Variants in ZNF7 observed in about 807,000 individuals in gnomAD.
ZNF7 encodes zinc finger protein 7.
ZNF7 carries 10 observed loss-of-function variants against 12.0 expected under a neutral mutation model. The observed-to-expected ratio is 0.83, with a 90% CI of 0.51 to 1.42. The LOEUF (loss-of-function observed/expected upper bound fraction) is 1.42. ZNF7 is among the 40% of genes most tolerant of loss of function. The pLI, the probability that ZNF7 is intolerant of heterozygous loss-of-function variation, is 0.00. For missense variants in ZNF7, 854 were observed against 837.2 expected (o/e 1.02, Z -0.25); for synonymous variants, 334 against 295.0 (o/e 1.13, Z -1.35).
In ZNF7 at chr8:144,829,617, C is replaced by A; in HGVS notation, c.130+13C>A. 6.3e-7 allele frequency: 1 copy of A among 1,594,702 alleles called. No homozygotes were observed. Among genetic ancestry groups the A allele is most frequent in the Non-Finnish European group, 8.6e-7 (1 of 1,166,786 alleles). ...GTGGCTGGACTAGGTGAGGCTGCAC[C>A]TTGGGGCCCCTTCCCCTGCATCATC... On this transcript the variant is annotated intron_variant, in intron 3 of 4. Coordinates refer to ENST00000532777, the MANE Select transcript of ZNF7 (RefSeq NM_003416.4).
At chr8:144,828,844 A>T in intron 1 of ZNF7, 199 bp from the exon 2 acceptor site, 1 of 653,100 alleles carries the variant, frequency 1.5e-6, no homozygotes, top group Non-Finnish European at 2.6e-6. Context: ...TGCCACACAC[A>T]CATACACTCT....
chr8:144,846,619 G>A (rs1830523526), downstream of ZNF7: 1 of 164,234 alleles, frequency 6.1e-6, no homozygotes, highest in African/African-American at 2.4e-5. Context: ...CTGAGAATAA[G>A]GCAGCTGGGT....
intron 4 of ZNF7, among the ~76,000 whole-genome samples, chr8:144,840,615 G>A (rs1829765776): frequency 6.6e-6 from 1 of 152,208 alleles, no homozygotes; most frequent in African/African-American, 2.4e-5. Flanking sequence ...TAGGACAGAA[G>A]CCTGTGCTTA....
chr8:144,844,733 A>AAAAAC (rs1563850697), downstream of ZNF7, among the ~76,000 whole-genome samples: 9 of 132,428 alleles, frequency 6.8e-5, no homozygotes, highest in African/African-American at 2.1e-4. Flanking sequence ...AAAAAAAAAA[A>AAAAAC]AAACGAAAAT....
At position 144,841,879 on chromosome 8, in the gene ZNF7, G is replaced by C; in HGVS notation, c.772G>C (p.Val258Leu). Residue 258 changes from valine to leucine, a missense_variant, in exon 5 of 5, where the codon GTC (valine) becomes CTC (leucine). Physicochemically the swap from Val to Leu is conservative, Grantham distance 32. Transcript: ENST00000532777. ...KPYECAECGKVFRLCSQLNQH... is the reference protein window; with the variant it reads ...KPYECAECGKLFRLCSQLNQH... ...GTACGAATGTGCAGAGTGTGGGAAAGTCTTCAGGCTCTGCTCGCAGCTTAA... is the reference window on the plus strand; with the variant it reads ...GTACGAATGTGCAGAGTGTGGGAAACTCTTCAGGCTCTGCTCGCAGCTTAA... 1.2e-6 allele frequency: 2 copies of C among 1,614,176 alleles called. No individual in the cohort carries two copies. Among genetic ancestry groups the C allele is most frequent in the Non-Finnish European group, 1.7e-6 (2 of 1,180,004 alleles).
chr8:144,830,201 G>A (rs1247853639), intron 3 of ZNF7, among the ~76,000 whole-genome samples: 37 of 152,208 alleles, frequency 2.4e-4, no homozygotes, highest in Admixed American at 2.3e-3. Context: ...TCACACGCCC[G>A]AGAGAGTGCC....
intron 3 of ZNF7, chr8:144,836,485 G>A (rs953622750): frequency 6.6e-6 from 1 of 152,246 alleles, no homozygotes; most frequent in African/African-American, 2.4e-5. Context: ...TTCACACTGA[G>A]TTGCATTTGC....
chr8:144,844,812 G>T, downstream of ZNF7, among the ~76,000 whole-genome samples: 1 of 151,838 alleles, frequency 6.6e-6, no homozygotes, highest in Admixed American at 6.6e-5. Flanking sequence ...ATGAGAGGGA[G>T]TGGGGAAAGA....
rs564102152 is a variant in ZNF7 at position 144,842,565 on chromosome 8, G to C, written c.1458G>C (p.Gln486His). Residue 486 changes from glutamine (Q) to histidine (H), a missense_variant, in exon 5 of 5, where the codon CAG becomes CAC. Physicochemically the swap from Gln to His is conservative, Grantham distance 24. Transcript: ENST00000532777. ...TTGTTCAGGGCTCACACCTTATTCA[G>C]CATCAGCGAATCCACACTGGAGAGA... ...KGFVQGSHLI[Q>H]HQRIHTGEKP... is the part of the protein sequence containing the mutation. 3 of 1,614,122 alleles carry C rather than the reference G, an allele frequency of 1.9e-6. No homozygotes were observed. Among genetic ancestry groups the C allele is most frequent in the Non-Finnish European group, 2.5e-6 (3 of 1,180,012 alleles).
intron 4 of ZNF7, chr8:144,838,053 C>T (rs774206131): frequency 3.3e-5 from 23 of 693,642 alleles, no homozygotes; most frequent in South Asian, 1.8e-4. Context: ...CAAGCAGGGC[C>T]GTGCCCCCCT....
chr8:144,827,717 G>T, intron 1 of ZNF7, 108 bp downstream of exon 1: 1 of 979,228 alleles, frequency 1.0e-6, no homozygotes, highest in Non-Finnish European at 1.2e-6. Flanking sequence ...CGTCCCCCGG[G>T]CCTCCAGGCG....
intron 3 of ZNF7, chr8:144,830,916 A>G (rs541083518): frequency 1.1e-5 from 5 of 457,516 alleles, no homozygotes; most frequent in East Asian, 6.9e-5. Context: ...GGGTACTTCT[A>G]ATGTTTCTTC....
chr8:144,839,116 C>T (rs1371461224), intron 4 of ZNF7, among the ~76,000 whole-genome samples: 1 of 6,342 alleles, frequency 1.6e-4, no homozygotes, highest in Admixed American at 1.8e-3. Context: ...GGGGCTGTGA[C>T]CTTACTTCCA....
intron 2 of ZNF7, 77 bp from the exon 3 acceptor site, chr8:144,829,401 T>C: frequency 6.3e-7 from 1 of 1,599,632 alleles, no homozygotes; most frequent in Non-Finnish European, 8.5e-7. Flanking sequence ...GGCAGCTGCC[T>C]GAGACATGTC....
chr8:144,833,902 C>T (rs1250150317), intron 3 of ZNF7: 1 of 151,910 alleles, frequency 6.6e-6, no homozygotes, highest in African/African-American at 2.4e-5. Flanking sequence ...GCCTCAGCCT[C>T]CTGAGTAGCT....
chr8:144,846,667 G>C (rs1004788816), downstream of ZNF7: 3 of 155,132 alleles, frequency 1.9e-5, no homozygotes, highest in African/African-American at 4.8e-5. Flanking sequence ...CAACAATCCA[G>C]GTTAGATATT....
chr8:144,844,569 G>A (rs1830386680), downstream of ZNF7, among the ~76,000 whole-genome samples: 1 of 152,020 alleles, frequency 6.6e-6, no homozygotes, highest in South Asian at 2.1e-4. Flanking sequence ...AATTAGCCGG[G>A]CGTGGTGGCG....
Position 144,842,704 on chromosome 8 carries a change from G to A in ZNF7, c.1597G>A (p.Ala533Thr). Residue 533 changes from alanine to threonine, a missense_variant, in exon 5 of 5, where the codon GCC becomes ACC. Transcript: ENST00000532777. ...KPYECLQCGK[A>T]FSMSTQLTIH... is the part of the protein sequence containing the mutation. ...CTACGAATGCCTCCAATGCGGAAAA[G>A]CCTTCAGTATGAGCACACAGCTTAC... The A allele has an allele frequency of 6.2e-7, 1 of 1,614,158 alleles. No homozygotes were observed. The highest frequency in any genetic ancestry group is 8.5e-7 in the Non-Finnish European group (1 of 1,180,038).
intron 4 of ZNF7, among the ~76,000 whole-genome samples, chr8:144,840,502 T>C (rs1829744220): frequency 6.6e-6 from 1 of 152,216 alleles, no homozygotes; most frequent in African/African-American, 2.4e-5. Context: ...ACCGTGGTTG[T>C]CATGATCATA....
Sources: allele counts gnomAD v4.1 joint callset (sites outside exome capture counted in the v4.1 genomes callset), GRCh38; gene constraint gnomAD v4.1.1; transcripts MANE v1.5; gene names NCBI Gene and HGNC (gene_info 2026-07-23, HGNC 2026-07-21).